The following PVT1 variants were observed in gnomAD, a reference collection of about 807,000 sequenced individuals.
PVT1 encodes the protein CXCR4/PVT1 fusion.
intron 2 of PVT1, among the ~76,000 whole-genome samples, chr8:127,829,144 G>A (rs1388413092): frequency 6.6e-6 from 1 of 152,126 alleles, no homozygotes; most frequent in African/African-American, 2.4e-5. Context: ...GGACGTGGTG[G>A]CAGGTGCCTG....
At chr8:128,079,091 C>T (rs903364528) in intron 5 of PVT1, among the ~76,000 whole-genome samples, 1 of 148,622 alleles carries the variant, frequency 6.7e-6, no homozygotes, top group Non-Finnish European at 1.5e-5. Flanking sequence ...GCATTGTCCA[C>T]TTTATTCTGT....
chr8:127,940,966 T>C (rs564673305), intron 3 of PVT1, among the ~76,000 whole-genome samples: 1 of 152,280 alleles, frequency 6.6e-6, no homozygotes, highest in East Asian at 1.9e-4. Flanking sequence ...AAGGAACCTG[T>C]AGGCTGCCTT....
At chr8:128,044,731 G>A (rs1813591616) in intron 4 of PVT1, among the ~76,000 whole-genome samples, 1 of 152,216 alleles carries the variant, frequency 6.6e-6, no homozygotes, top group Admixed American at 6.5e-5. Flanking sequence ...ACCAAGTATG[G>A]TGCCTGTGCA....
intron 3 of PVT1, among the ~76,000 whole-genome samples, chr8:127,916,686 G>T (rs191180494): frequency 6.6e-6 from 1 of 152,220 alleles, no homozygotes; most frequent in African/African-American, 2.4e-5. Context: ...CTGGTGAGGC[G>T]TGTGATCCAG....
rs917023407 is a variant in PVT1, at chr8:127,892,257, A to G, written n.782+1259A>G. Among the ~76,000 whole-genome samples the G allele has an allele frequency of 7.2e-5, 11 of 152,280 alleles. No homozygotes were observed. In the South Asian group the frequency reaches 2.3e-3, roughly 32 times the overall value. Reference sequence around the variant, plus strand: ...GCTCTTAGATGTGTTCTAATTGTATATTCATATGTGCAATTTACTGGGTTT... The same window carrying G: ...GCTCTTAGATGTGTTCTAATTGTATGTTCATATGTGCAATTTACTGGGTTT... On this transcript the variant is annotated intron_variant and non_coding_transcript_variant, in intron 3 of 10. Transcript: ENST00000651587.
At chr8:127,942,819 C>G (rs16902486) in intron 3 of PVT1, among the ~76,000 whole-genome samples, 9,541 of 152,270 alleles carry the variant, frequency 0.063, 677 homozygotes, top group African/African-American at 0.17. Flanking sequence ...CCTGGGTACT[C>G]TTTAGGTAGT....
chr8:127,816,541 G>T (rs1182220726), intron 2 of PVT1, among the ~76,000 whole-genome samples: 1 of 149,726 alleles, frequency 6.7e-6, no homozygotes, highest in African/African-American at 2.5e-5. Flanking sequence ...TTTTGAGATG[G>T]TGTTTCGCTC....
intron 2 of PVT1, among the ~76,000 whole-genome samples, chr8:127,805,159 A>G (rs1248140024): frequency 6.6e-6 from 1 of 150,592 alleles, no homozygotes; most frequent in Admixed American, 6.6e-5. Context: ...CGAACTCCTG[A>G]CCTCAGGTGA....
chr8:127,984,915 T>TTCTTCTTTC (rs1816940273), intron 3 of PVT1, among the ~76,000 whole-genome samples: 1 of 57,378 alleles, frequency 1.7e-5, no homozygotes, highest in Non-Finnish European at 4.0e-5. Context: ...CTTTCTTTCT[T>TTCTTCTTTC]TCTTTCTCTT....
intron 4 of PVT1, among the ~76,000 whole-genome samples, chr8:128,013,641 G>T (rs1157074152): frequency 6.6e-6 from 1 of 152,182 alleles, no homozygotes; most frequent in Non-Finnish European, 1.5e-5. Flanking sequence ...GGATGCTACG[G>T]AGACTAGAAC....
chr8:127,918,091 G>T (rs781440674), intron 3 of PVT1, among the ~76,000 whole-genome samples: 1 of 152,220 alleles, frequency 6.6e-6, no homozygotes, highest in African/African-American at 2.4e-5. Context: ...GCTCTGCAGC[G>T]CTGCCTTTCA....
chr8:128,002,424 A>G (rs756249943), intron 4 of PVT1, among the ~76,000 whole-genome samples: 4 of 152,224 alleles, frequency 2.6e-5, no homozygotes, highest in Middle Eastern at 3.2e-3. Flanking sequence ...TAGAGCTGCT[A>G]TAACAAAGTA....
intron 2 of PVT1, among the ~76,000 whole-genome samples, chr8:127,806,715 A>G (rs1231599061): frequency 6.6e-6 from 1 of 152,076 alleles, no homozygotes; most frequent in African/African-American, 2.4e-5. Context: ...CTCCACCCCC[A>G]GCTTTAACCA....
chr8:127,893,150 T>G (rs1449411132), intron 3 of PVT1, among the ~76,000 whole-genome samples: 1 of 152,184 alleles, frequency 6.6e-6, no homozygotes, highest in Admixed American at 6.5e-5. Context: ...AGTAATAATC[T>G]CCATTTATTA....
At chr8:127,846,193 C>G (rs945916090) in intron 2 of PVT1, among the ~76,000 whole-genome samples, 2 of 152,184 alleles carry the variant, frequency 1.3e-5, no homozygotes, top group African/African-American at 2.4e-5. Flanking sequence ...AGTAACCAGT[C>G]TGGAAATGTC....
intron 5 of PVT1, among the ~76,000 whole-genome samples, chr8:128,088,656 C>T (rs1004987206): frequency 1.3e-5 from 2 of 152,158 alleles, no homozygotes; most frequent in Non-Finnish European, 2.9e-5. Flanking sequence ...TGTCCTGTGA[C>T]GAATGTTGCA....
At position 127,970,446 on chromosome 8, in the gene PVT1, C is replaced by T. The variant is rs189304806; in HGVS notation, n.783-18716C>T. Among the ~76,000 whole-genome samples the T allele has an allele frequency of 2.2e-3, 338 of 151,966 alleles. 1 individual carries two copies. The highest frequency in any genetic ancestry group is 7.7e-3 in the African/African-American group (321 of 41,484). ...CCGAGTAGCTGGGACTACAGGCGCC[C>T]GCCACCATGCCTGGCTAATTTTTTT... On this transcript the variant is annotated intron_variant and non_coding_transcript_variant, in intron 3 of 10. Coordinates refer to ENST00000651587, the Ensembl canonical transcript of PVT1.
At chr8:127,804,961 A>C (rs1586386915) in intron 2 of PVT1, among the ~76,000 whole-genome samples, 8 of 104,858 alleles carry the variant, frequency 7.6e-5, no homozygotes, top group African/African-American at 1.5e-4. Context: ...ACGGAGTTTC[A>C]CTCTTGTTGC....
intron 2 of PVT1, among the ~76,000 whole-genome samples, chr8:127,837,864 C>T (rs1350974453): frequency 6.6e-6 from 1 of 151,490 alleles, no homozygotes; most frequent in Non-Finnish European, 1.5e-5. Context: ...TAGAGAATAT[C>T]AGTTGTAGCT....
Sources: gnomAD v4.1 joint callset for allele counts (sites outside exome capture counted in the v4.1 genomes callset) on GRCh38, gnomAD v4.1.1 for gene constraint, MANE v1.5 for transcripts, NCBI Gene and HGNC (gene_info 2026-07-23, HGNC 2026-07-21) for gene names.